Variants in CCDC63 observed in about 807,000 individuals in gnomAD.
The protein encoded by CCDC63 is coiled-coil domain containing 63, also known as coiled-coil domain-containing protein 63.
CCDC63 carries 54 observed loss-of-function variants against 63.6 expected under a neutral mutation model. The observed-to-expected ratio is 0.85, with a 90% CI of 0.68 to 1.07. The LOEUF (loss-of-function observed/expected upper bound fraction) is 1.07. Ranked by LOEUF, CCDC63 falls within the 50% of genes least tolerant of loss-of-function variation. The probability of loss-of-function intolerance (pLI) is 0.00; values close to 1 mark genes in which losing one functional copy is unlikely to be tolerated. For synonymous variants in CCDC63, 253 were observed against 266.1 expected (o/e 0.95, Z 0.48); for missense variants, 637 against 689.6 (o/e 0.92, Z 0.86).
At position 110,853,454 on chromosome 12, in the gene CCDC63, A is replaced by G; in HGVS notation, c.59A>G (p.Glu20Gly). 1 of 1,614,074 alleles carries G rather than the reference A, an allele frequency of 6.2e-7. No homozygotes were observed. The highest frequency in any genetic ancestry group is 8.5e-7 in the Non-Finnish European group (1 of 1,179,994). The change falls in exon 3 of 12, where the codon GAG becomes GGG. Residue 20 changes from glutamate (E) to glycine (G), a missense_variant. Coordinates refer to ENST00000308208, the MANE Select transcript of CCDC63 (RefSeq NM_152591.3). Reference protein sequence around the residue: ...KDSDTPQEPSEKAKEQQAEAE... With the variant: ...KDSDTPQEPSGKAKEQQAEAE... Reference sequence around the variant, plus strand: ...TCCGACACTCCCCAGGAACCTTCGGAGAAGGCCAAAGAGCAGCAGGCGGAG... The same window carrying G: ...TCCGACACTCCCCAGGAACCTTCGGGGAAGGCCAAAGAGCAGCAGGCGGAG...
chr12:110,867,066 G>C (rs1259177834), intron 4 of CCDC63, among the ~76,000 whole-genome samples: 1 of 144,736 alleles, frequency 6.9e-6, no homozygotes, highest in Non-Finnish European at 1.5e-5. Context: ...TCCCAGTAGG[G>C]GCGGCCGGGC....
intron 8 of CCDC63, among the ~76,000 whole-genome samples, chr12:110,890,329 G>T (rs2071340558): frequency 6.6e-6 from 1 of 151,882 alleles, no homozygotes; most frequent in Non-Finnish European, 1.5e-5. Flanking sequence ...AAAAATTAAA[G>T]GAGATGAGCC....
chr12:110,885,761 C>G (rs1411606716), intron 8 of CCDC63, among the ~76,000 whole-genome samples: 1 of 152,212 alleles, frequency 6.6e-6, no homozygotes, highest in Admixed American at 6.5e-5. Context: ...AGGGGAGCTG[C>G]TTTCCTTTGC....
chr12:110,907,181 G>A lies in CCDC63; in HGVS notation c.1547-150G>A, dbSNP rs1207310869. On this transcript the variant is annotated intron_variant, in intron 11 of 11. Transcript: ENST00000308208. The surrounding 1 kb of genome is among the most constrained non-coding windows in gnomAD (Gnocchi z 4.4). ...CTAGTCATTGTCTGGGCAGCCCCAAGAAGTATATTTCTGTTCATTCTCCCC... is the reference window on the plus strand; with the variant it reads ...CTAGTCATTGTCTGGGCAGCCCCAAAAAGTATATTTCTGTTCATTCTCCCC... 7.4e-6 allele frequency: 5 copies of A among 672,786 alleles called. No homozygotes were observed. The highest frequency in any genetic ancestry group is 1.8e-5 in the African/African-American group (1 of 55,100). 41.7% of individuals were successfully genotyped at this position (672,786 alleles called of 1,614,324 possible).
intron 4 of CCDC63, among the ~76,000 whole-genome samples, chr12:110,867,584 C>T (rs1392656553): frequency 7.1e-6 from 1 of 141,350 alleles, no homozygotes; most frequent in East Asian, 2.2e-4. Context: ...GGCTGACCCC[C>T]CCACCTCCCT....
intron 1 of CCDC63, among the ~76,000 whole-genome samples, chr12:110,848,951 T>C (rs1450710193): frequency 6.6e-6 from 1 of 152,114 alleles, no homozygotes; most frequent in Non-Finnish European, 1.5e-5. Flanking sequence ...GCCCAAACCT[T>C]GTTAGTCAGG....
chr12:110,900,116 G>A (rs2071468807), intron 10 of CCDC63, among the ~76,000 whole-genome samples: 1 of 152,100 alleles, frequency 6.6e-6, no homozygotes, highest in African/African-American at 2.4e-5. Flanking sequence ...GGGAGGCTGA[G>A]GCAGGAGGAT....
In CCDC63 at chr12:110,904,742, C is replaced by G. The variant is rs369852755; in HGVS notation, c.1497C>G (p.Val499=). 1.9e-6 allele frequency: 3 copies of G among 1,614,028 alleles called. No individual in the cohort carries two copies. Among genetic ancestry groups the G allele is most frequent in the Admixed American group, 1.7e-5 (1 of 60,014 alleles). ...TCAAGCCCCCAGAACCCATCAAAGT[C>G]ATCCCCCCAGTGCTGGGGGCTGACC... is the stretch of plus-strand genomic sequence containing the variant. ...ALLKPPEPIK[V]IPPVLGADPF... is the part of the protein sequence containing the mutation. The change falls in exon 11 of 12, where the codon GTC becomes GTG. Residue 499 remains valine, a synonymous_variant. Transcript: ENST00000308208.
intron 9 of CCDC63, among the ~76,000 whole-genome samples, 183 bp downstream of exon 9, chr12:110,893,333 C>T (rs74897448): frequency 0.035 from 5,362 of 152,236 alleles, 317 homozygotes; most frequent in African/African-American, 0.12. Flanking sequence ...CGTTTTGTCC[C>T]GGGCAGCCTC....
intron 3 of CCDC63, among the ~76,000 whole-genome samples, chr12:110,855,560 G>A (rs2070759975): frequency 6.6e-6 from 1 of 152,080 alleles, no homozygotes; most frequent in African/African-American, 2.4e-5. Flanking sequence ...TGGAAGAGTG[G>A]AGAGTTTAGG....
rs1449933866 is a variant in CCDC63, at chr12:110,893,160, G to T, written c.1149+10G>T. On this transcript the variant is annotated intron_variant, in intron 9 of 11. Transcript: ENST00000308208. ...CCTGAGACAGCTGGAGGTGAGAACAGGATCGGGAGGGAGGGATGCGGGAGC... is the reference window on the plus strand; with the variant it reads ...CCTGAGACAGCTGGAGGTGAGAACATGATCGGGAGGGAGGGATGCGGGAGC... The T allele has an allele frequency of 1.9e-6, 3 of 1,610,248 alleles. No homozygotes were observed. Among genetic ancestry groups the T allele is most frequent in the Non-Finnish European group, 2.5e-6 (3 of 1,176,698 alleles).
chr12:110,875,282 G>T (rs1040847973), intron 5 of CCDC63, among the ~76,000 whole-genome samples: 7 of 152,180 alleles, frequency 4.6e-5, no homozygotes, highest in African/African-American at 1.7e-4. Flanking sequence ...TTAGATTTGG[G>T]CATCTGCACC....
intron 9 of CCDC63, among the ~76,000 whole-genome samples, chr12:110,893,634 C>T (rs956637826): frequency 1.3e-5 from 2 of 152,130 alleles, no homozygotes. Context: ...CTGTTGATCT[C>T]GTCGTTTTAC....
intron 8 of CCDC63, among the ~76,000 whole-genome samples, chr12:110,884,879 A>G (rs1418090425): frequency 1.8e-5 from 2 of 109,138 alleles, no homozygotes; most frequent in Admixed American, 2.0e-4. Context: ...TTGTATTTTT[A>G]GTAGAGATGG....
rs1438399495 is a variant in CCDC63, at chr12:110,889,939, A to G, written c.1075-3137A>G. On this transcript the variant is annotated intron_variant, in intron 8 of 11. Coordinates refer to ENST00000308208, the MANE Select transcript of CCDC63 (RefSeq NM_152591.3). The surrounding 1 kb of genome is among the most constrained non-coding windows in gnomAD (Gnocchi z 4.1). ...CACAATTTGGAAAATACTAAAAAGT[A>G]TAAATACAACCTCCAAATCAGGAAT... is the stretch of plus-strand genomic sequence containing the variant. 6.6e-6 allele frequency among the ~76,000 whole-genome samples: 1 copy of G among 152,144 alleles called. No homozygotes were observed. Among genetic ancestry groups the G allele is most frequent in the Non-Finnish European group, 1.5e-5 (1 of 68,036 alleles).
intron 4 of CCDC63, among the ~76,000 whole-genome samples, chr12:110,864,049 C>G (rs2070902175): frequency 6.6e-6 from 1 of 152,240 alleles, no homozygotes; most frequent in Non-Finnish European, 1.5e-5. Context: ...ATCCCTCTGG[C>G]AGATTTCCCC....
chr12:110,887,995 C>T (rs1048606949), intron 8 of CCDC63, among the ~76,000 whole-genome samples: 16 of 152,324 alleles, frequency 1.1e-4, no homozygotes, highest in African/African-American at 3.8e-4. Context: ...ACATGAAAGT[C>T]TGAATTTCTG....
chr12:110,867,782 T>C (rs1203977492), intron 4 of CCDC63, among the ~76,000 whole-genome samples: 32 of 117,748 alleles, frequency 2.7e-4, no homozygotes, highest in African/African-American at 3.0e-4. Flanking sequence ...CCGGACGGGG[T>C]GGCTGGCCGG....
At chr12:110,858,403 A>G (rs2070806322) in intron 3 of CCDC63, among the ~76,000 whole-genome samples, 183 bp from the exon 4 acceptor site, 1 of 152,134 alleles carries the variant, frequency 6.6e-6, no homozygotes, top group Non-Finnish European at 1.5e-5. Context: ...ATCATGGTGA[A>G]CCAGGTCTCA....
Sources: allele counts gnomAD v4.1 joint callset (sites outside exome capture counted in the v4.1 genomes callset), GRCh38; gene constraint gnomAD v4.1.1; non-coding constraint Gnocchi (gnomAD v3.1); transcripts MANE v1.5; gene names NCBI Gene and HGNC (gene_info 2026-07-23, HGNC 2026-07-21).